CORIN: variants seen among roughly 807,000 people sequenced by gnomAD.
CORIN encodes the protein corin, serine peptidase, also known as atrial natriuretic peptide-converting enzyme.
Under a neutral mutation model 125.3 loss-of-function variants are expected in CORIN, and 117 were observed. The ratio of observed to expected loss-of-function variants is 0.93; its 90% confidence interval spans 0.80 to 1.09. The LOEUF is 1.09. Ranked by LOEUF, CORIN falls within the 50% of genes least tolerant of loss-of-function variation. CORIN has a pLI of 0.00. For synonymous variants in CORIN, 450 were observed against 466.4 expected (o/e 0.96, Z 0.45); for missense variants, 1,253 against 1,306.7 (o/e 0.96, Z 0.63).
chr4:47,683,750 C>T lies in CORIN; in HGVS notation c.1002G>A (p.Leu334=), dbSNP rs751275641. 4 of 1,613,162 alleles carry T rather than the reference C, an allele frequency of 2.5e-6. No homozygotes were observed. The highest frequency in any genetic ancestry group is 1.3e-5 in the African/African-American group (1 of 75,006). ...ACTTACCACAGTTTTGCTCATCACT[C>T]AAATCCCCACAGTCATCATATCCAT... ...VCDGYDDCGD[L]SDEQNCDCNP... The change falls in exon 7 of 22, where the codon TTG becomes TTA. Residue 334 remains leucine, a synonymous_variant. Transcript: ENST00000273857.
At chr4:47,780,790 T>C (rs1730506175) in intron 3 of CORIN, among the ~76,000 whole-genome samples, 2 of 152,184 alleles carry the variant, frequency 1.3e-5, no homozygotes, top group Admixed American at 1.3e-4. Context: ...AGTTTTTGTT[T>C]GTTATTGAAG....
chr4:47,819,644 T>C (rs982686731), intron 1 of CORIN, among the ~76,000 whole-genome samples: 5 of 152,014 alleles, frequency 3.3e-5, no homozygotes, highest in Admixed American at 6.6e-5. Context: ...AGAGGAGAAA[T>C]GATCCCATTA....
chr4:47,692,542 T>A (rs116740106), intron 6 of CORIN, among the ~76,000 whole-genome samples: 1,720 of 151,974 alleles, frequency 0.011, 17 homozygotes, highest in Admixed American at 0.018. Context: ...ATCTCCAGGT[T>A]TGGAAGAAGC....
intron 6 of CORIN, among the ~76,000 whole-genome samples, chr4:47,685,474 G>C (rs996858549): frequency 5.3e-5 from 8 of 152,112 alleles, no homozygotes; most frequent in Non-Finnish European, 1.2e-4. Context: ...TATAGAAACA[G>C]AAATCTGAGA....
chr4:47,667,964 A>C (rs1724558541), intron 10 of CORIN, among the ~76,000 whole-genome samples: 2 of 152,190 alleles, frequency 1.3e-5, no homozygotes, highest in South Asian at 4.1e-4. Flanking sequence ...TACAGCCCCC[A>C]AGAATGGGAT....
At chr4:47,719,587 T>A (rs1375512031) in intron 5 of CORIN, among the ~76,000 whole-genome samples, 2 of 152,212 alleles carry the variant, frequency 1.3e-5, no homozygotes, top group African/African-American at 4.8e-5. Flanking sequence ...CAAGACATCA[T>A]GTGTTTTGTT....
chr4:47,808,133 T>G (rs1458487826), intron 1 of CORIN, among the ~76,000 whole-genome samples: 1 of 152,214 alleles, frequency 6.6e-6, no homozygotes, highest in African/African-American at 2.4e-5. Context: ...GTTCTTCTCC[T>G]GACTTTCATA....
chr4:47,638,506 G>C (rs1271243881), intron 16 of CORIN, among the ~76,000 whole-genome samples: 1 of 152,212 alleles, frequency 6.6e-6, no homozygotes, highest in Non-Finnish European at 1.5e-5. Flanking sequence ...ATGGGGGCAA[G>C]TCTTTCCTGT....
At chr4:47,731,935 G>A (rs73144276) in intron 5 of CORIN, among the ~76,000 whole-genome samples, 67 of 152,214 alleles carry the variant, frequency 4.4e-4, no homozygotes, top group African/African-American at 1.5e-3. Context: ...AACTACTATG[G>A]GATATAGCCA....
chr4:47,694,843 C>T (rs1725914823), intron 5 of CORIN, among the ~76,000 whole-genome samples: 1 of 151,776 alleles, frequency 6.6e-6, no homozygotes. Flanking sequence ...CAATATATTG[C>T]CATAAAGCAG....
intron 1 of CORIN, among the ~76,000 whole-genome samples, chr4:47,835,010 T>C (rs1733312591): frequency 6.6e-6 from 1 of 152,196 alleles, no homozygotes; most frequent in Non-Finnish European, 1.5e-5. Context: ...AAGCTCCTAC[T>C]CTTCCCACCA....
chr4:47,778,149 A>G (rs1730381752), intron 3 of CORIN, among the ~76,000 whole-genome samples: 1 of 152,154 alleles, frequency 6.6e-6, no homozygotes, highest in East Asian at 1.9e-4. Context: ...AGGTATTATT[A>G]GGCTGTTCTT....
At chr4:47,755,484 C>T (rs991937886) in intron 4 of CORIN, among the ~76,000 whole-genome samples, 21 of 152,264 alleles carry the variant, frequency 1.4e-4, no homozygotes, top group African/African-American at 4.8e-4. Context: ...TTTATATAAA[C>T]TTTAATGCTA....
intron 4 of CORIN, among the ~76,000 whole-genome samples, chr4:47,758,792 T>A (rs941860189): frequency 5.3e-5 from 8 of 152,196 alleles, no homozygotes; most frequent in African/African-American, 1.9e-4. Flanking sequence ...GCTCCGCACT[T>A]CTCCTTCCTG....
intron 16 of CORIN, among the ~76,000 whole-genome samples, chr4:47,637,778 G>A (rs1403014934): frequency 2.0e-5 from 3 of 152,232 alleles, no homozygotes; most frequent in Non-Finnish European, 2.9e-5. Context: ...CTGCTAGGCA[G>A]TGTGGAAGGG....
chr4:47,807,062 G>A lies in CORIN; in HGVS notation c.64-15C>T, dbSNP rs774517798. 6.2e-7 allele frequency: 1 copy of A among 1,600,864 alleles called. No individual in the cohort carries two copies. Among genetic ancestry groups the A allele is most frequent in the Admixed American group, 1.8e-5 (1 of 56,962 alleles). ...GCTCTCAAGACCTAAAGTAAAAGAG[G>A]AAAATGCAACATGGTTTTAGTTTTA... On this transcript the variant is annotated splice_polypyrimidine_tract_variant and intron_variant, in intron 1 of 21. Coordinates refer to ENST00000273857, the MANE Select transcript of CORIN (RefSeq NM_006587.4).
intron 13 of CORIN, among the ~76,000 whole-genome samples, chr4:47,653,322 G>A (rs770013523): frequency 5.3e-5 from 8 of 152,142 alleles, no homozygotes; most frequent in Non-Finnish European, 8.8e-5. Context: ...CGGATAAGGG[G>A]GAGGGGTACT....
chr4:47,799,106 GGTGT>G (rs764434569), intron 2 of CORIN, among the ~76,000 whole-genome samples: 3,689 of 141,466 alleles, frequency 0.026, 81 homozygotes, highest in African/African-American at 0.068. Flanking sequence ...TATCCCATGG[GGTGT>G]GTGTGTGTGT....
Position 47,633,725 on chromosome 4 carries a change from C to T in CORIN, c.2199-7204G>A, listed in dbSNP as rs539687846. Among the ~76,000 whole-genome samples, 89 of 152,280 alleles carry T rather than the reference C, an allele frequency of 5.8e-4. 1 individual carries two copies. The highest frequency in any genetic ancestry group is 3.4e-3 in the Middle Eastern group (1 of 294). On this transcript the variant is annotated intron_variant, in intron 16 of 21. Coordinates refer to ENST00000273857, the MANE Select transcript of CORIN (RefSeq NM_006587.4). ...AGAAAATATTTCTTGTTTATCTTCA[C>T]ATCTTTTGTTTCATCATGTAAAGCT...
Sources: gnomAD v4.1 joint callset for allele counts (sites outside exome capture counted in the v4.1 genomes callset) on GRCh38, gnomAD v4.1.1 for gene constraint, MANE v1.5 for transcripts, NCBI Gene and HGNC (gene_info 2026-07-23, HGNC 2026-07-21) for gene names.